The following PGM3 variants were observed in gnomAD, a reference collection of about 807,000 sequenced individuals.
PGM3 encodes phosphoacetylglucosamine mutase.
In PGM3, 40 loss-of-function variants were observed where a neutral mutation model predicts 66.2. That is an observed-to-expected ratio of 0.60 (90% CI 0.47 to 0.79). The LOEUF is 0.79. PGM3 is among the 30% of genes least tolerant of loss of function. The probability of loss-of-function intolerance (pLI) is 0.00; values close to 1 mark genes in which losing one functional copy is unlikely to be tolerated. For missense variants in PGM3, 537 were observed against 643.4 expected (o/e 0.83, Z 1.79); for synonymous variants, 191 against 224.2 (o/e 0.85, Z 1.32).
intron 2 of PGM3, among the ~76,000 whole-genome samples, chr6:83,189,201 AACTG>A (rs1326598252): frequency 6.6e-6 from 1 of 152,140 alleles, no homozygotes; most frequent in Non-Finnish European, 1.5e-5. Context: ...ACTATCCATA[AACTG>A]ACTAGGGCAC....
chr6:83,172,156 A>T, intron 10 of PGM3, 97 bp from the exon 11 acceptor site: 3 of 1,228,478 alleles, frequency 2.4e-6, no homozygotes, highest in Non-Finnish European at 3.5e-6. Context: ...TACAGGTTGA[A>T]CAACCTGAAT....
rs765379654 is a variant in PGM3, at chr6:83,178,656, C to T, written c.1029+17G>A. The T allele has an allele frequency of 1.3e-6, 2 of 1,483,974 alleles. No individual in the cohort carries two copies. The highest frequency in any genetic ancestry group is 3.4e-5 in the Admixed American group (2 of 59,680). The allele number at this position is 1,483,974 out of a possible 1,614,324, so 91.9% of individuals were successfully genotyped here. ...TCTTAATTAAGAAACTACCAGAAAA[C>T]AAAAATGGTTCAATACCTTCATAAC... On this transcript the variant is annotated intron_variant, in intron 8 of 12. Transcript: ENST00000513973.
downstream of PGM3, among the ~76,000 whole-genome samples, chr6:83,164,010 T>C (rs1784838411): frequency 6.6e-6 from 1 of 151,308 alleles, no homozygotes; most frequent in African/African-American, 2.4e-5. Context: ...GCCTTTGTTA[T>C]TAACCTTTTG....
chr6:83,163,019 G>C (rs1485349348), downstream of PGM3: 1 of 1,355,594 alleles, frequency 7.4e-7, no homozygotes. Context: ...ACGTTATCAA[G>C]TTGAGCTATT....
At chr6:83,153,126 G>C in the PGM3 span, among the ~76,000 whole-genome samples, 1 of 150,564 alleles carries the variant, frequency 6.6e-6, no homozygotes. Context: ...GACAGTGTTG[G>C]AATTTGAACA....
In PGM3 at chr6:83,166,237, T is replaced by C. The variant is rs1193175840; in HGVS notation, c.*2997A>G. The C allele has an allele frequency of 1.9e-6, 1 of 514,998 alleles. No individual in the cohort carries two copies. The highest frequency in any genetic ancestry group is 3.4e-6 in the Non-Finnish European group (1 of 292,378). The allele number at this position is 514,998 out of a possible 1,614,324, so 31.9% of individuals were successfully genotyped here. A position where few individuals can be genotyped will look rare whatever the true frequency, so the allele number is the denominator to read the frequency against. On this transcript the variant is annotated 3_prime_UTR_variant, in exon 13 of 13. Transcript: ENST00000513973. ...CAAATGCCGAACGACCATAAAATGGTCAACATTGAGTTCTTGGGCAGCTCT... is the reference window on the plus strand; with the variant it reads ...CAAATGCCGAACGACCATAAAATGGCCAACATTGAGTTCTTGGGCAGCTCT...
chr6:83,191,102 G>C, intron 1 of PGM3, 88 bp from the exon 2 acceptor site: 3 of 1,458,440 alleles, frequency 2.1e-6, no homozygotes, highest in South Asian at 2.4e-5. Flanking sequence ...AAACGAATAG[G>C]TCTGTCTCAT....
intron 2 of PGM3, 27 bp downstream of exon 2, chr6:83,190,782 G>T: frequency 6.5e-7 from 1 of 1,545,654 alleles, no homozygotes; most frequent in Non-Finnish European, 8.9e-7. Flanking sequence ...ATAATGGTCT[G>T]CTTTATCAGG....
Position 83,166,354 on chromosome 6 carries a change from G to T in PGM3, c.*2880C>A, listed in dbSNP as rs776661540. On this transcript the variant is annotated 3_prime_UTR_variant, in exon 13 of 13. Coordinates refer to ENST00000513973, the MANE Select transcript of PGM3 (RefSeq NM_015599.3). ...GGCCACTGCACTCCTCATCTTCAAG[G>T]CTCTAGTCTCCTTTGCAAAACTTCT... 1 of 696,220 alleles carries T rather than the reference G, an allele frequency of 1.4e-6. No homozygotes were observed. Among genetic ancestry groups the T allele is most frequent in the South Asian group, 1.5e-5 (1 of 65,696 alleles). The allele number at this position is 696,220 out of a possible 1,614,324, so 43.1% of individuals were successfully genotyped here.
chr6:83,179,532 T>G (rs1788022905), intron 7 of PGM3, among the ~76,000 whole-genome samples: 1 of 152,140 alleles, frequency 6.6e-6, no homozygotes. Flanking sequence ...ACCACAGAAC[T>G]GTCATCAAAG....
At chr6:83,193,467 G>C (rs1789350729), upstream of PGM3, 1 of 152,284 alleles carries the variant, frequency 6.6e-6, no homozygotes, top group African/African-American at 2.4e-5. Context: ...GGTGGCCCGG[G>C]GGTTGGGGCC....
Position 83,165,397 on chromosome 6 carries a change from A to G in PGM3, c.*3837T>C, listed in dbSNP as rs904801050. The G allele has an allele frequency of 2.6e-5, 4 of 152,856 alleles. No homozygotes were observed. The highest frequency in any genetic ancestry group is 5.8e-5 in the Non-Finnish European group (4 of 68,554). 9.5% of individuals were successfully genotyped at this position (152,856 alleles called of 1,614,324 possible). Reference sequence around the variant, plus strand: ...GGTGATCTTTTCTTGGTTTGCTCCTAGACTCTTCCATTTTAACTTATATTT... The same window carrying G: ...GGTGATCTTTTCTTGGTTTGCTCCTGGACTCTTCCATTTTAACTTATATTT... On this transcript the variant is annotated 3_prime_UTR_variant, in exon 13 of 13. Transcript: ENST00000513973.
chr6:83,178,904 G>A (rs953368996), intron 7 of PGM3, 148 bp from the exon 8 acceptor site: 10 of 625,154 alleles, frequency 1.6e-5, no homozygotes, highest in Non-Finnish European at 2.9e-5. Flanking sequence ...AAATTTACAT[G>A]TATGCCAGGA....
intron 10 of PGM3, among the ~76,000 whole-genome samples, chr6:83,173,274 TG>T (rs1787444709): frequency 2.0e-5 from 3 of 152,184 alleles, no homozygotes; most frequent in Admixed American, 6.5e-5. Context: ...AAGATCTCTG[TG>T]GAAGACAATG....
At chr6:83,164,554 G>T (rs977717597), downstream of PGM3, 2 of 1,061,226 alleles carry the variant, frequency 1.9e-6, no homozygotes, top group Admixed American at 4.1e-5. Context: ...AAACTATTTT[G>T]ATTGAAAGGC....
chr6:83,156,187 G>C, downstream of PGM3: 1 of 1,109,476 alleles, frequency 9.0e-7, no homozygotes, highest in Non-Finnish European at 1.3e-6. Flanking sequence ...ACTAAGTTGG[G>C]GTAAAATATA....
downstream of PGM3, chr6:83,160,084 G>A (rs1783869647): frequency 2.1e-6 from 2 of 943,628 alleles, no homozygotes; most frequent in Admixed American, 2.7e-5. Flanking sequence ...TTACTAAAAT[G>A]TAATTCTTTT....
In PGM3 at chr6:83,166,874, G is replaced by C. The variant is rs1785827642; in HGVS notation, c.*2360C>G. The C allele has an allele frequency of 2.0e-6, 2 of 992,834 alleles. No homozygotes were observed. Among genetic ancestry groups the C allele is most frequent in the African/African-American group, 3.5e-5 (2 of 57,432 alleles). 61.5% of individuals were successfully genotyped at this position (992,834 alleles called of 1,614,324 possible). ...GCAAACTCCATTTGTTAATATGACA[G>C]ATTGTAATTCTGCTTCCTAAGTCTT... is the stretch of plus-strand genomic sequence containing the variant. On this transcript the variant is annotated 3_prime_UTR_variant, in exon 13 of 13. Coordinates refer to ENST00000513973, the MANE Select transcript of PGM3 (RefSeq NM_015599.3).
Position 83,190,828 on chromosome 6 carries a change from G to A in PGM3, c.185C>T (p.Thr62Ile). 2 of 1,613,798 alleles carry A rather than the reference G, an allele frequency of 1.2e-6. No individual in the cohort carries two copies. The highest frequency in any genetic ancestry group is 2.2e-5 in the East Asian group (1 of 44,852). ...CATTACCTCAGGATTGTGGGACGCT[G>A]TTACCATGACTCCTATAGTGGATTT... ...QTKSTIGVMV[T>I]ASHNPEEDNG... is the part of the protein sequence containing the mutation. Residue 62 changes from threonine to isoleucine, a missense_variant, in exon 2 of 13, where the codon ACA (threonine) becomes ATA (isoleucine). Physicochemically the swap from Thr to Ile is moderately conservative, Grantham distance 89. Coordinates refer to ENST00000513973, the MANE Select transcript of PGM3 (RefSeq NM_015599.3).
Sources: gnomAD v4.1 joint callset for allele counts (sites outside exome capture counted in the v4.1 genomes callset) on GRCh38, gnomAD v4.1.1 for gene constraint, MANE v1.5 for transcripts, NCBI Gene and HGNC (gene_info 2026-07-23, HGNC 2026-07-21) for gene names.